MICAL3: variants seen among roughly 807,000 people sequenced by gnomAD.
MICAL3 encodes the protein microtubule associated monooxygenase, calponin and LIM domain containing 3.
In MICAL3, 62 loss-of-function variants were observed where a neutral mutation model predicts 207.4. The ratio of observed to expected loss-of-function variants is 0.30; its 90% CI spans 0.24 to 0.37. MICAL3 has a LOEUF of 0.37. Among genes scored for constraint, MICAL3 ranks in the 10% least tolerant of loss-of-function variants. The pLI, the probability that MICAL3 is intolerant of heterozygous loss-of-function variation, is 1.00. For synonymous variants in MICAL3, 1,077 were observed against 1,069.3 expected (o/e 1.01, Z -0.14); for missense variants, 2,368 against 2,635.6 (o/e 0.90, Z 2.22).
chr22:17,826,326 C>G (rs1371487417), intron 22 of MICAL3: 1 of 360,054 alleles, frequency 2.8e-6, no homozygotes, highest in Non-Finnish European at 3.9e-6. Context: ...CATGCAGGTA[C>G]CCCCACCCGC....
intron 16 of MICAL3, chr22:17,872,801 G>A: frequency 1.2e-6 from 2 of 1,613,776 alleles, no homozygotes; most frequent in Non-Finnish European, 1.7e-6. Context: ...GAAGCTGATT[G>A]GCTATCTGCT....
intron 16 of MICAL3, among the ~76,000 whole-genome samples, chr22:17,877,766 C>T (rs1476155432): frequency 2.0e-5 from 3 of 152,090 alleles, no homozygotes; most frequent in Non-Finnish European, 4.4e-5. Flanking sequence ...CCTAACTCAT[C>T]CCCTCTCTGC....
At position 17,952,026 on chromosome 22, in the gene MICAL3, C is replaced by A. The variant is rs1203489988; in HGVS notation, c.-74-45140G>T. On this transcript the variant is annotated intron_variant, in intron 1 of 31. Coordinates refer to ENST00000441493, the MANE Select transcript of MICAL3 (RefSeq NM_015241.3). ...ATTTCTTAAAAGTGCCCCACAAGAG[C>A]CAAATCACTTAGAACTCAAGGGCTG... is the stretch of plus-strand genomic sequence containing the variant. Among the ~76,000 whole-genome samples the A allele has an allele frequency of 2.0e-5, 3 of 152,136 alleles. No individual in the cohort carries two copies. In the South Asian group the frequency reaches 6.2e-4, roughly 32 times the overall value.
intron 29 of MICAL3, among the ~76,000 whole-genome samples, chr22:17,798,670 T>C (rs59708386): frequency 0.027 from 3,846 of 141,872 alleles, 186 homozygotes; most frequent in African/African-American, 0.11. Flanking sequence ...GTTGGAGCAA[T>C]GCCTTTTTTT....
intron 1 of MICAL3, among the ~76,000 whole-genome samples, chr22:18,002,972 C>T (rs886308637): frequency 1.3e-5 from 2 of 151,986 alleles, no homozygotes; most frequent in African/African-American, 4.8e-5. Flanking sequence ...CTGGATAACA[C>T]GGTGAAACCC....
chr22:17,818,016 A>G lies in MICAL3; in HGVS notation c.4645T>C (p.Cys1549Arg). 11 of 1,612,434 alleles carry G rather than the reference A, an allele frequency of 6.8e-6. No individual in the cohort carries two copies. The highest frequency in any genetic ancestry group is 9.3e-6 in the Non-Finnish European group (11 of 1,179,764). Residue 1549 changes from cysteine (C) to arginine (R), a missense_variant, in exon 26 of 32, where the codon TGC (cysteine) becomes CGC (arginine). By Grantham distance (180) the Cys-to-Arg change is radical. This residue lies in a region of MICAL3 where 1,770 missense variants were observed against 1,863.2 expected (regional missense o/e 0.95). Coordinates refer to ENST00000441493, the MANE Select transcript of MICAL3 (RefSeq NM_015241.3). ...LQEKFFTPPS[C>R]WPRPEKPRHP... is the part of the protein sequence containing the mutation. The stretch of plus-strand genomic sequence containing the variant: ...CGAGGCTTCTCGGGGCGCGGCCAGC[A>G]GGACGGGGGCGTGAAGAATTTCTCC...
intron 20 of MICAL3, chr22:17,840,014 T>G (rs372985328): frequency 7.4e-6 from 1 of 135,446 alleles, no homozygotes. Context: ...CACTGCAACC[T>G]CCGCCTCCCA....
rs529437820 is a variant in MICAL3, at chr22:17,895,978, A to T, written c.1322+268T>A. On this transcript the variant is annotated intron_variant, in intron 9 of 31. Coordinates refer to ENST00000441493, the MANE Select transcript of MICAL3 (RefSeq NM_015241.3). ...CTTATAAGCAGTTTGGTGTTTTCCTATGAATTCAAAGCTACTTTTAATTTC... is the reference window on the plus strand; with the variant it reads ...CTTATAAGCAGTTTGGTGTTTTCCTTTGAATTCAAAGCTACTTTTAATTTC... Among the ~76,000 whole-genome samples the T allele has an allele frequency of 1.7e-4, 26 of 152,342 alleles. 1 individual carries two copies. The South Asian group carries it at 4.1e-3, about 24-fold the overall frequency.
At chr22:17,946,292 A>C (rs1484749455) in intron 1 of MICAL3, among the ~76,000 whole-genome samples, 1 of 152,132 alleles carries the variant, frequency 6.6e-6, no homozygotes, top group East Asian at 1.9e-4. Context: ...AAAGAGAACA[A>C]AAGCTGCCTC....
At chr22:17,930,079 T>C (rs1215274820) in intron 1 of MICAL3, among the ~76,000 whole-genome samples, 1 of 152,176 alleles carries the variant, frequency 6.6e-6, no homozygotes, top group Non-Finnish European at 1.5e-5. Context: ...GTGTTTAACA[T>C]ATTAGTCACA....
At chr22:17,873,876 G>C (rs995169737) in intron 16 of MICAL3, among the ~76,000 whole-genome samples, 65 of 152,324 alleles carry the variant, frequency 4.3e-4, no homozygotes, top group African/African-American at 1.5e-3. Flanking sequence ...CCACCATGTG[G>C]GTGATGCTCC....
At position 17,996,911 on chromosome 22, in the gene MICAL3, TCA is replaced by T. The variant is rs977347872; in HGVS notation, c.-75+27368_-75+27369del. Among the ~76,000 whole-genome samples, 15 of 152,168 alleles carry T rather than the reference TCA, an allele frequency of 9.9e-5. 1 individual carries two copies. Among genetic ancestry groups the T allele is most frequent in the Admixed American group, 3.3e-4 (5 of 15,268 alleles). Reference sequence around the variant, plus strand: ...TAGCCCAAGTGCCATGCCTCCAGTTTCACAGTTTCACCAGCAGCTCAAGCAAA... The same window carrying T: ...TAGCCCAAGTGCCATGCCTCCAGTTTCAGTTTCACCAGCAGCTCAAGCAAA... On this transcript the variant is annotated intron_variant, in intron 1 of 31. Coordinates refer to ENST00000441493, the MANE Select transcript of MICAL3 (RefSeq NM_015241.3).
intron 1 of MICAL3, among the ~76,000 whole-genome samples, chr22:18,012,970 C>G (rs1204329960): frequency 6.6e-6 from 1 of 152,136 alleles, no homozygotes; most frequent in Non-Finnish European, 1.5e-5. Flanking sequence ...ACTACCTTTC[C>G]CCCACTGCAT....
chr22:17,836,450 G>C (rs545129032), intron 20 of MICAL3, among the ~76,000 whole-genome samples: 2 of 152,316 alleles, frequency 1.3e-5, no homozygotes, highest in South Asian at 4.1e-4. Flanking sequence ...GTCATGCTGT[G>C]CCTTCCTGGG....
At chr22:17,825,184 A>G (rs1922040225) in intron 22 of MICAL3, among the ~76,000 whole-genome samples, 1 of 152,222 alleles carries the variant, frequency 6.6e-6, no homozygotes, top group Non-Finnish European at 1.5e-5. Flanking sequence ...CTATTAAGAA[A>G]TGCCTGTGGT....
At chr22:18,003,026 G>C (rs1923143097) in intron 1 of MICAL3, among the ~76,000 whole-genome samples, 1 of 151,924 alleles carries the variant, frequency 6.6e-6, no homozygotes, top group Non-Finnish European at 1.5e-5. Flanking sequence ...TGGGCGTGGT[G>C]GTGGGCGCCT....
chr22:17,827,905 T>TA, intron 21 of MICAL3, 124 bp from the exon 22 acceptor site: 1 of 1,047,336 alleles, frequency 9.5e-7, no homozygotes, highest in South Asian at 1.7e-5. Context: ...CAGAAAGAAG[T>TA]AAAAATTAAG....
chr22:17,941,433 AGG>A (rs1933801173), intron 1 of MICAL3, among the ~76,000 whole-genome samples: 4 of 152,150 alleles, frequency 2.6e-5, no homozygotes, highest in Non-Finnish European at 4.4e-5. Context: ...GCTTGGAGAG[AGG>A]CCAATGGATT....
In MICAL3 at chr22:17,793,397, C is replaced by T. The variant is rs770158672; in HGVS notation, c.5651-2096G>A. Among the ~76,000 whole-genome samples the T allele has an allele frequency of 7.2e-5, 11 of 152,158 alleles. No homozygotes were observed. The highest frequency in any genetic ancestry group is 1.2e-4 in the Non-Finnish European group (8 of 68,034). The stretch of plus-strand genomic sequence containing the variant: ...TCCCATCCAAATCGCTGCACGCAGG[C>T]GGGAGGCTCCTCACCTGCATGCCTG... On this transcript the variant is annotated intron_variant, in intron 29 of 31. Coordinates refer to ENST00000441493, the MANE Select transcript of MICAL3 (RefSeq NM_015241.3). The surrounding 1 kb of genome is among the most constrained non-coding windows in gnomAD (Gnocchi z 4.1).
Sources: allele counts gnomAD v4.1 joint callset (sites outside exome capture counted in the v4.1 genomes callset), GRCh38; gene constraint gnomAD v4.1.1; regional missense constraint gnomAD v4.1.1; non-coding constraint Gnocchi (gnomAD v3.1); transcripts MANE v1.5; gene names NCBI Gene and HGNC (gene_info 2026-07-23, HGNC 2026-07-21).